The following PLCB1 variants were observed in gnomAD, a reference collection of about 807,000 sequenced individuals.
PLCB1 encodes 1-phosphatidylinositol 4,5-bisphosphate phosphodiesterase beta-1.
PLCB1 carries 46 observed loss-of-function variants against 161.8 expected under a neutral mutation model. The observed-to-expected ratio is 0.28, with a 90% confidence interval of 0.22 to 0.36. The LOEUF (loss-of-function observed/expected upper bound fraction) is 0.36, where lower values mean the gene tolerates loss of function less well. Ranked by LOEUF, PLCB1 falls within the 10% of genes least tolerant of loss-of-function variation. PLCB1 has a pLI of 1.00. For missense variants in PLCB1, 1,016 were observed against 1,472.5 expected, an observed-to-expected ratio of 0.69 and a Z score of 5.07; for synonymous variants, 517 against 503.7, an observed-to-expected ratio of 1.03 and a Z score of -0.35.
chr20:8,657,448 C>T (rs1347665364), intron 8 of PLCB1, among the ~76,000 whole-genome samples, 164 bp downstream of exon 8: 3 of 152,098 alleles, frequency 2.0e-5, no homozygotes, highest in African/African-American at 7.2e-5. Context: ...AATCTTGCCC[C>T]TGAGGTGCAA....
chr20:8,327,368 G>C (rs1985199696), intron 2 of PLCB1, among the ~76,000 whole-genome samples: 1 of 152,156 alleles, frequency 6.6e-6, no homozygotes, highest in Non-Finnish European at 1.5e-5. Context: ...GAAGAAAGTG[G>C]GAGGAAATTT....
At chr20:8,277,836 A>G (rs1030851269) in intron 2 of PLCB1, among the ~76,000 whole-genome samples, 3 of 152,168 alleles carry the variant, frequency 2.0e-5, no homozygotes, top group East Asian at 3.8e-4. Context: ...ATAGACTGGT[A>G]AAAGTGCAAA....
chr20:8,212,047 C>T (rs550569072), intron 2 of PLCB1, among the ~76,000 whole-genome samples: 1 of 152,060 alleles, frequency 6.6e-6, no homozygotes, highest in Admixed American at 6.6e-5. Flanking sequence ...GAACTTCATT[C>T]CAGCCCACCC....
intron 31 of PLCB1, among the ~76,000 whole-genome samples, chr20:8,826,167 T>C (rs1051182434): frequency 1.3e-5 from 2 of 151,788 alleles, no homozygotes; most frequent in Non-Finnish European, 2.9e-5. Context: ...ATACATAAAA[T>C]GGAAGGAAAG....
At chr20:8,140,883 C>T (rs928972927) in intron 1 of PLCB1, among the ~76,000 whole-genome samples, 1 of 152,086 alleles carries the variant, frequency 6.6e-6, no homozygotes, top group Non-Finnish European at 1.5e-5. Flanking sequence ...ACCGCAACCT[C>T]TGCCTCCCCG....
intron 31 of PLCB1, among the ~76,000 whole-genome samples, chr20:8,835,455 C>T (rs1478901384): frequency 6.6e-6 from 1 of 151,930 alleles, no homozygotes; most frequent in East Asian, 1.9e-4. Context: ...TTTTAAGTCC[C>T]TAACCACAGG....
At chr20:8,359,125 C>T (rs992844087) in intron 2 of PLCB1, among the ~76,000 whole-genome samples, 7 of 152,210 alleles carry the variant, frequency 4.6e-5, no homozygotes, top group African/African-American at 1.7e-4. Context: ...GTCCCCATCC[C>T]ACTTTTGGTC....
intron 3 of PLCB1, among the ~76,000 whole-genome samples, chr20:8,470,905 C>A (rs1982025223): frequency 6.6e-6 from 1 of 151,190 alleles, no homozygotes; most frequent in African/African-American, 2.4e-5. Flanking sequence ...TGTTCCTTAA[C>A]CTTTTGGTGA....
intron 2 of PLCB1, among the ~76,000 whole-genome samples, chr20:8,316,253 C>G (rs1984646222): frequency 6.6e-6 from 1 of 152,048 alleles, no homozygotes; most frequent in Non-Finnish European, 1.5e-5. Context: ...CAAGAAAGCT[C>G]AAAGAAATTG....
chr20:8,532,863 T>A (rs1415532181), intron 3 of PLCB1, among the ~76,000 whole-genome samples: 3 of 152,076 alleles, frequency 2.0e-5, no homozygotes, highest in Non-Finnish European at 4.4e-5. Context: ...TTATTTTATT[T>A]TATTTTATTA....
rs537316456 is a variant in PLCB1, at chr20:8,643,947, G to A, written c.385-2155G>A. On this transcript the variant is annotated intron_variant, in intron 4 of 31. Transcript: ENST00000338037. Reference sequence around the variant, plus strand: ...GTGCCTGCGATTGCAGGCGCGCGCCGCCACGCCTGACTGGTTTTCGTATTT... The same window carrying A: ...GTGCCTGCGATTGCAGGCGCGCGCCACCACGCCTGACTGGTTTTCGTATTT... Among the ~76,000 whole-genome samples the A allele has an allele frequency of 7.2e-5, 11 of 152,266 alleles. No individual in the cohort carries two copies. In the South Asian group the frequency reaches 8.3e-4, roughly 11 times the overall value.
In PLCB1 at chr20:8,192,510, A is replaced by AT. The variant is rs1555789187; in HGVS notation, c.177+42153dup. ...AGTGCTTCTCTGAAGGCATTGGTAG[A>AT]TTTTTTTTTTTTTTAAGAATGCAAC... On this transcript the variant is annotated intron_variant, in intron 2 of 31. Transcript: ENST00000338037. 2.4e-3 allele frequency among the ~76,000 whole-genome samples: 348 copies of AT among 143,912 alleles called. 3 individuals are homozygous for AT. Among genetic ancestry groups the AT allele is most frequent in the African/African-American group, 6.4e-3 (249 of 38,746 alleles). 94.4% of individuals were successfully genotyped at this position (143,912 alleles called of 152,430 possible).
rs554169035 is a variant in PLCB1 at position 8,729,053 on chromosome 20, T to C, written c.1767T>C (p.Tyr589=). 3.9e-5 allele frequency: 62 copies of C among 1,605,804 alleles called. No individual in the cohort carries two copies. The highest frequency in any genetic ancestry group is 4.9e-5 in the Non-Finnish European group (57 of 1,175,048). ...LTKSPVEFVE[Y]NKMQLSRIYP... ...ACTACTTAACATGATGGTCCAGATA[T>C]AACAAAATGCAGCTTAGCAGGATAT... Residue 589 remains tyrosine (Y), a synonymous_variant, in exon 18 of 32, where the codon TAT becomes TAC. Transcript: ENST00000338037.
intron 2 of PLCB1, among the ~76,000 whole-genome samples, chr20:8,291,900 C>G (rs1983400236): frequency 1.3e-5 from 2 of 152,132 alleles, no homozygotes; most frequent in African/African-American, 4.8e-5. Context: ...TTCTGCCCTT[C>G]CCTGATCCTA....
chr20:8,834,471 G>A (rs942590701), intron 31 of PLCB1, among the ~76,000 whole-genome samples: 3 of 152,004 alleles, frequency 2.0e-5, no homozygotes, highest in African/African-American at 7.3e-5. Context: ...GATTATGGAG[G>A]CTGGCAAGTC....
chr20:8,817,493 G>A (rs906097123), intron 31 of PLCB1, among the ~76,000 whole-genome samples: 5 of 152,156 alleles, frequency 3.3e-5, no homozygotes, highest in Admixed American at 6.5e-5. Flanking sequence ...GGGCCAAACT[G>A]AGTGCTCAGC....
At chr20:8,761,588 G>A (rs1015316641) in intron 25 of PLCB1, among the ~76,000 whole-genome samples, 3 of 152,162 alleles carry the variant, frequency 2.0e-5, no homozygotes, top group East Asian at 1.9e-4. Context: ...GTACAATCTC[G>A]GCTGACCGCA....
intron 23 of PLCB1, among the ~76,000 whole-genome samples, chr20:8,742,791 A>G (rs1038678666): frequency 6.6e-6 from 1 of 152,188 alleles, no homozygotes; most frequent in African/African-American, 2.4e-5. Flanking sequence ...CAATTATTGG[A>G]TATTTGCAAT....
At chr20:8,172,182 T>G (rs1374257030) in intron 2 of PLCB1, among the ~76,000 whole-genome samples, 2 of 152,186 alleles carry the variant, frequency 1.3e-5, no homozygotes, top group African/African-American at 4.8e-5. Context: ...ATAGATAATA[T>G]ACAACTACCT....
Sources: gnomAD v4.1 joint callset for allele counts (sites outside exome capture counted in the v4.1 genomes callset) on GRCh38, gnomAD v4.1.1 for gene constraint, MANE v1.5 for transcripts, NCBI Gene and HGNC (gene_info 2026-07-23, HGNC 2026-07-21) for gene names.